The following SLC4A10 variants were observed in gnomAD, a reference collection of about 807,000 sequenced individuals.
The protein encoded by SLC4A10 is sodium-driven chloride bicarbonate exchanger.
Under a neutral mutation model 137.7 loss-of-function variants are expected in SLC4A10, and 42 were observed. The observed-to-expected ratio is 0.30, with a 90% confidence interval of 0.24 to 0.39. The LOEUF is 0.39. SLC4A10 is among the 10% of genes least tolerant of loss of function. SLC4A10 has a pLI of 1.00. For missense variants in SLC4A10, 925 were observed against 1,355.0 expected, an observed-to-expected ratio of 0.68 and a Z score of 4.98; for synonymous variants, 474 against 464.1, an observed-to-expected ratio of 1.02 and a Z score of -0.27.
chr2:161,817,243 T>A (rs938334170), intron 3 of SLC4A10, among the ~76,000 whole-genome samples: 6 of 152,350 alleles, frequency 3.9e-5, no homozygotes, highest in South Asian at 2.1e-4. Context: ...ATGATGAGCA[T>A]TTTTTCATGT....
chr2:161,843,208 T>C (rs1265966037), intron 4 of SLC4A10, among the ~76,000 whole-genome samples: 1 of 152,148 alleles, frequency 6.6e-6, no homozygotes, highest in Non-Finnish European at 1.5e-5. Context: ...TTCTTGTAAC[T>C]TGCCCACTCT....
chr2:161,794,218 A>G (rs2054517610), intron 2 of SLC4A10, among the ~76,000 whole-genome samples: 1 of 152,108 alleles, frequency 6.6e-6, no homozygotes, highest in African/African-American at 2.4e-5. Context: ...AATTCCTGTA[A>G]ACTGTGGACT....
rs141579860 is a variant in SLC4A10 at position 161,920,167 on chromosome 2, C to T, written c.1997+14280C>T. On this transcript the variant is annotated intron_variant, in intron 15 of 26. Coordinates refer to ENST00000446997, the MANE Select transcript of SLC4A10 (RefSeq NM_001178015.2). ...ATCCAGGCTGGTAGCACGAGCTGAG[C>T]ACAACCTGCCAGGCCTAGTGGGCAG... Among the ~76,000 whole-genome samples, 633 of 152,344 alleles carry T rather than the reference C, an allele frequency of 4.2e-3. 5 individuals are homozygous for T. Among genetic ancestry groups the T allele is most frequent in the African/African-American group, 0.014 (601 of 41,564 alleles).
chr2:161,719,161 T>C (rs1474231781), intron 1 of SLC4A10, among the ~76,000 whole-genome samples: 1 of 152,166 alleles, frequency 6.6e-6, no homozygotes, highest in Non-Finnish European at 1.5e-5. Flanking sequence ...GTGTTTGGTT[T>C]TCTCTCCTTG....
chr2:161,833,738 A>G (rs915353367), intron 3 of SLC4A10, among the ~76,000 whole-genome samples: 3 of 152,208 alleles, frequency 2.0e-5, no homozygotes, highest in African/African-American at 7.2e-5. Flanking sequence ...GCACTTTTTA[A>G]TCCCCAAAGC....
At chr2:161,722,869 G>A (rs2045839366) in intron 1 of SLC4A10, among the ~76,000 whole-genome samples, 1 of 152,208 alleles carries the variant, frequency 6.6e-6, no homozygotes, top group African/African-American at 2.4e-5. Context: ...ACGCCTGGAT[G>A]GAGTTGCTGA....
At chr2:161,785,200 T>C (rs896764966) in intron 2 of SLC4A10, among the ~76,000 whole-genome samples, 3 of 151,546 alleles carry the variant, frequency 2.0e-5, no homozygotes, top group Non-Finnish European at 3.0e-5. Context: ...ATAGAAAATC[T>C]GGACAGACAA....
intron 2 of SLC4A10, among the ~76,000 whole-genome samples, chr2:161,796,328 C>T (rs911198754): frequency 6.6e-6 from 1 of 152,170 alleles, no homozygotes; most frequent in African/African-American, 2.4e-5. Flanking sequence ...TGTGAATCAG[C>T]TGGCGCCCGC....
intron 1 of SLC4A10, among the ~76,000 whole-genome samples, chr2:161,710,201 T>G (rs903722198): frequency 6.6e-6 from 1 of 151,754 alleles, no homozygotes; most frequent in East Asian, 1.9e-4. Flanking sequence ...TTAAGCTTGA[T>G]TAATTTTGAA....
intron 5 of SLC4A10, among the ~76,000 whole-genome samples, chr2:161,858,162 C>T (rs112392261): frequency 1.4e-4 from 21 of 152,138 alleles, no homozygotes; most frequent in African/African-American, 3.6e-4. Flanking sequence ...GTTTTACAAA[C>T]GCTAAGTGTA....
chr2:161,875,466 A>G (rs2061405767), intron 8 of SLC4A10, among the ~76,000 whole-genome samples: 1 of 152,196 alleles, frequency 6.6e-6, no homozygotes, highest in African/African-American at 2.4e-5. Context: ...CATTCAACCT[A>G]CATATTTGTA....
chr2:161,726,470 C>A (rs763496100), intron 1 of SLC4A10, among the ~76,000 whole-genome samples: 1 of 152,014 alleles, frequency 6.6e-6, no homozygotes, highest in African/African-American at 2.4e-5. Flanking sequence ...AAAAAATTGA[C>A]GAAATTTTGT....
At chr2:161,683,971 C>T (rs1187909845) in intron 1 of SLC4A10, among the ~76,000 whole-genome samples, 1 of 152,050 alleles carries the variant, frequency 6.6e-6, no homozygotes, top group Non-Finnish European at 1.5e-5. Context: ...CAATTGTTAC[C>T]ACCATTCACC....
chr2:161,775,383 T>G (rs888732515), intron 2 of SLC4A10, among the ~76,000 whole-genome samples: 1 of 151,918 alleles, frequency 6.6e-6, no homozygotes, highest in Non-Finnish European at 1.5e-5. Context: ...ATTTATAGTC[T>G]TGCTCCAGGG....
chr2:161,919,776 C>T (rs1687785556), intron 15 of SLC4A10, among the ~76,000 whole-genome samples: 2 of 152,180 alleles, frequency 1.3e-5, no homozygotes. Context: ...AAGGCTGAAA[C>T]ACACCCCTGG....
intron 15 of SLC4A10, among the ~76,000 whole-genome samples, chr2:161,929,381 A>G (rs1011617897): frequency 2.0e-5 from 3 of 152,258 alleles, no homozygotes; most frequent in African/African-American, 2.4e-5. Context: ...AATCAGAATT[A>G]TAGGACTATA....
chr2:161,685,430 A>T (rs2041281980), intron 1 of SLC4A10, among the ~76,000 whole-genome samples: 1 of 151,974 alleles, frequency 6.6e-6, no homozygotes, highest in African/African-American at 2.4e-5. Flanking sequence ...ACATGGCAAA[A>T]CCCCATCTCT....
intron 15 of SLC4A10, among the ~76,000 whole-genome samples, chr2:161,934,676 T>C (rs1691251619): frequency 6.6e-6 from 1 of 152,188 alleles, no homozygotes; most frequent in African/African-American, 2.4e-5. Flanking sequence ...TGGTTTTAAT[T>C]TGCATTTCTC....
Position 161,873,920 on chromosome 2 carries a change from T to C in SLC4A10, c.863T>C (p.Leu288Pro), listed in dbSNP as rs371563853. 5 of 1,593,216 alleles carry C rather than the reference T, an allele frequency of 3.1e-6. No homozygotes were observed. Among genetic ancestry groups the C allele is most frequent in the Non-Finnish European group, 4.2e-6 (5 of 1,177,492 alleles). ...GTCTGTTAATTATGCGTGCAGGGACTGGGAGGCCAACAAAAGGGGCATACT... is the reference window on the plus strand; with the variant it reads ...GTCTGTTAATTATGCGTGCAGGGACCGGGAGGCCAACAAAAGGGGCATACT... ...ENSTVDFSKG[L>P]GGQQKGHTSP... Residue 288 changes from leucine (L) to proline (P), a missense_variant, in exon 8 of 27, where the codon CTG becomes CCG. By Grantham distance (98) the Leu-to-Pro change is moderately conservative (BLOSUM62 -3). Coordinates refer to ENST00000446997, the MANE Select transcript of SLC4A10 (RefSeq NM_001178015.2).
Sources: gnomAD v4.1 joint callset for allele counts (sites outside exome capture counted in the v4.1 genomes callset) on GRCh38, gnomAD v4.1.1 for gene constraint, MANE v1.5 for transcripts, NCBI Gene and HGNC (gene_info 2026-07-23, HGNC 2026-07-21) for gene names.